Variants in UNC13B observed in about 807,000 individuals in gnomAD.
UNC13B encodes protein unc-13 homolog B.
UNC13B carries 144 observed loss-of-function variants against 211.0 expected under a neutral mutation model. The observed-to-expected ratio is 0.68, with a 90% CI of 0.60 to 0.78. The LOEUF is 0.78. UNC13B is among the 30% of genes least tolerant of loss of function. The pLI, the probability that UNC13B is intolerant of heterozygous loss-of-function variation, is 0.00. For missense variants in UNC13B, 1,777 were observed against 2,002.0 expected (o/e 0.89, Z 2.14); for synonymous variants, 709 against 725.8 (o/e 0.98, Z 0.37).
At chr9:35,297,561 T>TTTTTTTTTTTTTTTTTTTTTTTTTTTG in intron 8 of UNC13B, among the ~76,000 whole-genome samples, 10 of 128,230 alleles carry the variant, frequency 7.8e-5, no homozygotes, top group Non-Finnish European at 1.0e-4. Flanking sequence ...TTTTTTTTTT[T>TTTTTTTTTTTTTTTTTTTTTTTTTTTG]TTTTTTGAGA....
chr9:35,310,844 T>C lies in UNC13B; in HGVS notation c.9323+63T>C, dbSNP rs914503161. The C allele has an allele frequency of 3.4e-6, 5 of 1,458,168 alleles. No homozygotes were observed. In the African/African-American group the frequency reaches 7.1e-5, roughly 21 times the overall value. 90.3% of individuals were successfully genotyped at this position (1,458,168 alleles called of 1,614,324 possible). On this transcript the variant is annotated intron_variant, in intron 10 of 39. Coordinates refer to ENST00000635942, the MANE Select transcript of UNC13B (RefSeq NM_001371189.2). ...CTCAGTACCTGCCCTGTGGTATTGC[T>C]GAAAATAAGTGATTGTCATTTGTTT...
rs146386316 is a variant in UNC13B, at chr9:35,381,431, C to A, written c.10492-125C>A. 1.8e-5 allele frequency: 22 copies of A among 1,238,492 alleles called. No individual in the cohort carries two copies. In the East Asian group the frequency reaches 5.3e-4, roughly 30 times the overall value. The allele number at this position is 1,238,492 out of a possible 1,614,324, so 76.7% of individuals were successfully genotyped here. A position where few individuals can be genotyped will look rare whatever the true frequency, so the allele number is the denominator to read the frequency against. On this transcript the variant is annotated intron_variant, in intron 19 of 39. Transcript: ENST00000635942. ...TACTGGGGCCACAGGAGGAACTGAG[C>A]AATGACTGGAAGGACAGAATTTCTG...
intron 7 of UNC13B, among the ~76,000 whole-genome samples, chr9:35,272,151 T>C (rs1039314063): frequency 6.6e-6 from 1 of 151,450 alleles, no homozygotes; most frequent in South Asian, 2.1e-4. Flanking sequence ...ATCTCAGTTA[T>C]CTAAGAAATA....
chr9:35,270,895 C>T (rs1242063174), intron 7 of UNC13B, among the ~76,000 whole-genome samples: 1 of 152,096 alleles, frequency 6.6e-6, no homozygotes, highest in African/African-American at 2.4e-5. Context: ...AATCCCAGCA[C>T]TCTGGGAGGC....
intron 3 of UNC13B, among the ~76,000 whole-genome samples, chr9:35,235,462 T>C (rs923367464): frequency 2.0e-5 from 3 of 151,778 alleles, no homozygotes; most frequent in South Asian, 2.1e-4. Flanking sequence ...CCCGGCTTTT[T>C]TGGTGGGGAT....
intron 11 of UNC13B, among the ~76,000 whole-genome samples, chr9:35,359,220 T>C (rs1833235953): frequency 6.6e-6 from 1 of 152,166 alleles, no homozygotes; most frequent in Non-Finnish European, 1.5e-5. Flanking sequence ...TGTGCTCAAT[T>C]CCTTCTTTTT....
In UNC13B at chr9:35,308,285, G is replaced by C; in HGVS notation, c.8881G>C (p.Val2961Leu). ...GAAACATGAGGAAGAACCCTCCACT[G>C]TCTCTGAGATATTTCACCAGCTAGA... Reference protein sequence around the residue: ...SGKHEEEPSTVSEIFHQLEKQ... With the variant: ...SGKHEEEPSTLSEIFHQLEKQ... Residue 2961 changes from valine to leucine, a missense_variant, in exon 9 of 40, where the codon GTC (valine) becomes CTC (leucine). Val to Leu is a conservative substitution (Grantham distance 32). Transcript: ENST00000635942. The C allele has an allele frequency of 2.5e-6, 1 of 399,122 alleles. No individual in the cohort carries two copies. The highest frequency in any genetic ancestry group is 4.4e-6 in the Non-Finnish European group (1 of 226,152). 24.7% of individuals were successfully genotyped at this position (399,122 alleles called of 1,614,324 possible).
intron 5 of UNC13B, among the ~76,000 whole-genome samples, chr9:35,239,443 A>C (rs1315449399): frequency 6.6e-6 from 1 of 152,202 alleles, no homozygotes; most frequent in Admixed American, 6.5e-5. Context: ...CATGCTTCAC[A>C]AGGTAATAAA....
Position 35,302,044 on chromosome 9 carries a change from G to T in UNC13B, c.2640G>T (p.Glu880Asp). 2.5e-6 allele frequency: 1 copy of T among 398,734 alleles called. No homozygotes were observed. The allele number at this position is 398,734 out of a possible 1,614,324, so 24.7% of individuals were successfully genotyped here. A position where few individuals can be genotyped will look rare whatever the true frequency, so the allele number is the denominator to read the frequency against. The stretch of plus-strand genomic sequence containing the variant: ...CTGAAAAGCAACAGGAGTTAAAAGA[G>T]AAAGGAAGCATTTTTCCTTTGTTTA... ...GHSEKQQELKEKGSIFPLFKF... is the reference protein window; with the variant it reads ...GHSEKQQELKDKGSIFPLFKF... Residue 880 changes from glutamate to aspartate, a missense_variant, in exon 9 of 40, where the codon GAG becomes GAT. Glu to Asp is a conservative substitution (Grantham distance 45, BLOSUM62 2). Transcript: ENST00000635942.
At position 35,251,662 on chromosome 9, in the gene UNC13B, C is replaced by CT. The variant is rs201958506; in HGVS notation, c.469-7323dup. Reference sequence around the variant, plus strand: ...CAATATAGATCTCTAACAGATAATACTTTTTTTTAAAAAAAAACCACAATG... The same window carrying CT: ...CAATATAGATCTCTAACAGATAATACTTTTTTTTTAAAAAAAAACCACAATG... On this transcript the variant is annotated intron_variant, in intron 6 of 39. Transcript: ENST00000635942. Among the ~76,000 whole-genome samples the CT allele has an allele frequency of 3.9e-4, 60 of 151,918 alleles. 1 individual carries two copies. The highest frequency in any genetic ancestry group is 1.4e-3 in the East Asian group (7 of 5,176).
intron 1 of UNC13B, among the ~76,000 whole-genome samples, chr9:35,202,082 C>T (rs1283132739): frequency 2.6e-5 from 4 of 152,142 alleles, no homozygotes; most frequent in Admixed American, 2.6e-4. Flanking sequence ...TTTTTGCCTT[C>T]ATTTTGTTAT....
chr9:35,394,684 G>A (rs892783775), intron 26 of UNC13B, among the ~76,000 whole-genome samples: 2 of 152,172 alleles, frequency 1.3e-5, no homozygotes, highest in Non-Finnish European at 2.9e-5. Flanking sequence ...GAAATCATGA[G>A]GTTGGAAGAG....
rs1829888134 is a variant in UNC13B at position 35,305,624 on chromosome 9, G to A, written c.6220G>A (p.Val2074Ile). The A allele has an allele frequency of 1.0e-5, 4 of 398,900 alleles. No individual in the cohort carries two copies. Among genetic ancestry groups the A allele is most frequent in the Non-Finnish European group, 1.8e-5 (4 of 225,992 alleles). 24.7% of individuals were successfully genotyped at this position (398,900 alleles called of 1,614,324 possible). A position where few individuals can be genotyped will look rare whatever the true frequency, so the allele number is the denominator to read the frequency against. Residue 2074 changes from valine to isoleucine, a missense_variant, in exon 9 of 40, where the codon GTA becomes ATA. By Grantham distance (29) the Val-to-Ile change is conservative. Transcript: ENST00000635942. ...GGGTAATGATTTGACTGAAAAAGAGGTACCATTCAGAGACCATCTAATCCA... is the reference window on the plus strand; with the variant it reads ...GGGTAATGATTTGACTGAAAAAGAGATACCATTCAGAGACCATCTAATCCA... Reference protein sequence around the residue: ...IQGNDLTEKEVPFRDHLIQQS... With the variant: ...IQGNDLTEKEIPFRDHLIQQS...
At chr9:35,238,741 A>G (rs1312751544) in intron 5 of UNC13B, among the ~76,000 whole-genome samples, 1 of 152,030 alleles carries the variant, frequency 6.6e-6, no homozygotes, top group African/African-American at 2.4e-5. Context: ...AATTTTTAGT[A>G]GAGACAGGGT....
intron 11 of UNC13B, among the ~76,000 whole-genome samples, chr9:35,316,919 A>G (rs1279294640): frequency 6.6e-6 from 1 of 152,178 alleles, no homozygotes; most frequent in Non-Finnish European, 1.5e-5. Context: ...AATTAGGCAC[A>G]TTATATCACA....
chr9:35,165,227 C>T (rs564678947), intron 1 of UNC13B, among the ~76,000 whole-genome samples: 6 of 151,972 alleles, frequency 3.9e-5, no homozygotes, highest in Non-Finnish European at 8.8e-5. Flanking sequence ...AGAACTGGGA[C>T]AAGTGTGGAT....
chr9:35,319,710 G>A (rs1458797934), intron 11 of UNC13B, among the ~76,000 whole-genome samples: 1 of 151,676 alleles, frequency 6.6e-6, no homozygotes, highest in Non-Finnish European at 1.5e-5. Context: ...ACCCAGGCTG[G>A]AGTGCACGGG....
At chr9:35,250,277 A>G (rs534342625) in intron 6 of UNC13B, among the ~76,000 whole-genome samples, 1 of 152,242 alleles carries the variant, frequency 6.6e-6, no homozygotes, top group South Asian at 2.1e-4. Flanking sequence ...AATTTTGAAT[A>G]TTTTCATTGC....
At chr9:35,193,657 C>CAAAA (rs748105027) in intron 1 of UNC13B, among the ~76,000 whole-genome samples, 1 of 56,160 alleles carries the variant, frequency 1.8e-5, no homozygotes, top group African/African-American at 5.8e-5. Context: ...GACTCCGTCT[C>CAAAA]AAAAAAAAAA....
Sources: gnomAD v4.1 joint callset for allele counts (sites outside exome capture counted in the v4.1 genomes callset) on GRCh38, gnomAD v4.1.1 for gene constraint, MANE v1.5 for transcripts, NCBI Gene and HGNC (gene_info 2026-07-23, HGNC 2026-07-21) for gene names.